Variants in STXBP5L observed in about 807,000 individuals in gnomAD.
The protein encoded by STXBP5L is syntaxin-binding protein 5-like.
STXBP5L carries 65 observed loss-of-function variants against 144.5 expected under a neutral mutation model. That is an observed-to-expected ratio of 0.45 (90% CI 0.37 to 0.55). STXBP5L has a LOEUF of 0.55. Among genes scored for constraint, STXBP5L ranks in the 20% least tolerant of loss-of-function variants. The probability of loss-of-function intolerance (pLI) is 0.00; values close to 1 mark genes in which losing one functional copy is unlikely to be tolerated. For synonymous variants in STXBP5L, 505 were observed against 469.6 expected (o/e 1.08, Z -0.97); for missense variants, 1,298 against 1,405.5 (o/e 0.92, Z 1.22).
intron 3 of STXBP5L, among the ~76,000 whole-genome samples, chr3:120,972,115 G>A (rs927490198): frequency 6.6e-6 from 1 of 151,790 alleles, no homozygotes; most frequent in African/African-American, 2.4e-5. Flanking sequence ...AATGATGTTG[G>A]CATTGGTAAT....
chr3:121,250,650 T>G, intron 14 of STXBP5L, 73 bp from the exon 15 acceptor site: 1 of 1,270,232 alleles, frequency 7.9e-7, no homozygotes, highest in Non-Finnish European at 1.1e-6. Context: ...GTAACTCAAG[T>G]TTCTGTACAT....
At chr3:121,310,738 G>A (rs1026646348) in intron 19 of STXBP5L, among the ~76,000 whole-genome samples, 6 of 151,374 alleles carry the variant, frequency 4.0e-5, no homozygotes, top group African/African-American at 1.2e-4. Context: ...GTGAAACCAT[G>A]TCTCTACTAA....
chr3:121,227,428 A>C (rs945963460), intron 11 of STXBP5L, among the ~76,000 whole-genome samples: 2 of 152,084 alleles, frequency 1.3e-5, no homozygotes, highest in African/African-American at 4.8e-5. Flanking sequence ...AAAGTCAAAA[A>C]AATTATCTGG....
intron 3 of STXBP5L, among the ~76,000 whole-genome samples, chr3:120,999,241 TGTG>T (rs1017664182): frequency 6.6e-6 from 1 of 152,084 alleles, no homozygotes; most frequent in African/African-American, 2.4e-5. Context: ...TTAGTAGAGA[TGTG>T]GTTTCACCGT....
At chr3:121,170,243 G>C (rs1267707434) in intron 9 of STXBP5L, among the ~76,000 whole-genome samples, 2 of 152,170 alleles carry the variant, frequency 1.3e-5, no homozygotes, top group South Asian at 4.2e-4. Flanking sequence ...GGAGAAAGTG[G>C]GAAAGATCTA....
At chr3:121,414,073 T>C (rs1234967006) in intron 24 of STXBP5L, among the ~76,000 whole-genome samples, 1 of 152,156 alleles carries the variant, frequency 6.6e-6, no homozygotes, top group Admixed American at 6.6e-5. Flanking sequence ...CTGAGCTCAG[T>C]GCCTGGAATA....
intron 3 of STXBP5L, among the ~76,000 whole-genome samples, chr3:120,995,070 A>T (rs1943232983): frequency 1.3e-5 from 2 of 152,146 alleles, no homozygotes; most frequent in African/African-American, 4.8e-5. Context: ...ATATTAAGAC[A>T]TTTACCATTA....
intron 6 of STXBP5L, 108 bp from the exon 7 acceptor site, chr3:121,121,533 A>T (rs1338878466): frequency 2.7e-6 from 2 of 751,822 alleles, no homozygotes; most frequent in African/African-American, 3.5e-5. Flanking sequence ...TTAACCCTAG[A>T]ATGGTGGGAT....
At chr3:121,200,175 A>C (rs551579341) in intron 9 of STXBP5L, among the ~76,000 whole-genome samples, 1 of 152,270 alleles carries the variant, frequency 6.6e-6, no homozygotes, top group Admixed American at 6.5e-5. Flanking sequence ...TTATTGGTAC[A>C]TTCCAGGATT....
chr3:120,975,838 G>C (rs539788046), intron 3 of STXBP5L, among the ~76,000 whole-genome samples: 2 of 151,984 alleles, frequency 1.3e-5, no homozygotes, highest in African/African-American at 4.8e-5. Flanking sequence ...TTATATGCTG[G>C]ATTACATTTA....
At chr3:121,162,450 C>A (rs1306905567) in intron 9 of STXBP5L, among the ~76,000 whole-genome samples, 1 of 152,022 alleles carries the variant, frequency 6.6e-6, no homozygotes, top group East Asian at 1.9e-4. Flanking sequence ...AACGTAAGAC[C>A]TAAAACCATA....
chr3:121,328,317 T>C (rs185964277), intron 20 of STXBP5L, among the ~76,000 whole-genome samples: 1 of 152,330 alleles, frequency 6.6e-6, no homozygotes, highest in Admixed American at 6.5e-5. Flanking sequence ...CCTGACAAGA[T>C]TCTTGTGAAG....
At chr3:121,135,038 C>T (rs1012790418) in intron 7 of STXBP5L, among the ~76,000 whole-genome samples, 26 of 152,172 alleles carry the variant, frequency 1.7e-4, no homozygotes, top group Non-Finnish European at 3.5e-4. Flanking sequence ...TAAAAGTGTT[C>T]CTATTTCTCC....
chr3:121,215,339 A>G (rs976945507), intron 10 of STXBP5L, among the ~76,000 whole-genome samples: 1 of 152,146 alleles, frequency 6.6e-6, no homozygotes, highest in Non-Finnish European at 1.5e-5. Context: ...AATGGCTAGT[A>G]CCAGTTTTTT....
chr3:121,342,041 A>G (rs530947211), intron 20 of STXBP5L, among the ~76,000 whole-genome samples: 3 of 152,148 alleles, frequency 2.0e-5, no homozygotes, highest in African/African-American at 4.8e-5. Flanking sequence ...TGTGATAGAT[A>G]TCACATTTAC....
At chr3:121,345,821 T>A (rs1426762899) in intron 20 of STXBP5L, among the ~76,000 whole-genome samples, 3 of 151,988 alleles carry the variant, frequency 2.0e-5, no homozygotes, top group Non-Finnish European at 2.9e-5. Context: ...TTTTATATAG[T>A]AATTTTTAAA....
chr3:121,021,350 A>G (rs1057449661), intron 3 of STXBP5L, among the ~76,000 whole-genome samples: 3 of 152,174 alleles, frequency 2.0e-5, no homozygotes, highest in African/African-American at 7.2e-5. Flanking sequence ...ATAGTACTAG[A>G]CAGGTCATCA....
chr3:121,351,163 G>A (rs2108612242), intron 20 of STXBP5L, among the ~76,000 whole-genome samples: 1 of 152,230 alleles, frequency 6.6e-6, no homozygotes, highest in African/African-American at 2.4e-5. Context: ...CTGTTTGTTA[G>A]TTTTCCTTCT....
At chr3:121,249,204 G>T (rs1262572834) in intron 14 of STXBP5L, among the ~76,000 whole-genome samples, 1 of 152,008 alleles carries the variant, frequency 6.6e-6, no homozygotes, top group Non-Finnish European at 1.5e-5. Flanking sequence ...GAATAGTGAT[G>T]AATCTGCACA....
Sources: allele counts gnomAD v4.1 joint callset (sites outside exome capture counted in the v4.1 genomes callset), GRCh38; gene constraint gnomAD v4.1.1; transcripts MANE v1.5; gene names NCBI Gene and HGNC (gene_info 2026-07-23, HGNC 2026-07-21).